Variants in GUCY2F observed in about 807,000 individuals in gnomAD.
The protein encoded by GUCY2F is retinal guanylyl cyclase 2.
GUCY2F carries 61 observed loss-of-function variants against 73.1 expected under a neutral mutation model. The ratio of observed to expected loss-of-function variants is 0.83; its 90% CI spans 0.68 to 1.03. The LOEUF is 1.03. GUCY2F is among the 50% of genes least tolerant of loss of function. The probability of loss-of-function intolerance (pLI) is 0.00; values close to 1 mark genes in which losing one functional copy is unlikely to be tolerated. For missense variants in GUCY2F, 912 were observed against 854.3 expected, an observed-to-expected ratio of 1.07 and a Z score of -0.84; for synonymous variants, 331 against 307.8, an observed-to-expected ratio of 1.08 and a Z score of -0.79.
chrX:109,413,570 A>G (rs777203302), intron 8 of GUCY2F, among the ~76,000 whole-genome samples: 1 of 110,630 alleles, frequency 9.0e-6, no homozygotes. Flanking sequence ...ACACTCAGCT[A>G]ATTTTTCATA....
rs1932195843 is a variant in GUCY2F at position 109,453,858 on chromosome X, A to G, written c.1034T>C (p.Val345Ala). The G allele has an allele frequency of 1.8e-6, 2 of 1,101,146 alleles. No individual in the cohort carries two copies. The highest frequency in any genetic ancestry group is 5.0e-5 in the Admixed American group (2 of 39,847). The allele number at this position is 1,101,146 out of a possible 1,213,427, so 90.7% of individuals were successfully genotyped here. The change falls in exon 4 of 20, where the codon GTT (valine) becomes GCT (alanine). Residue 345 changes from valine to alanine, a missense_variant and splice_region_variant. Transcript: ENST00000218006. ...GTAGATGGTTCCAAACAACGGTGAA[A>G]CCTATTTTTAAAAATTACAATTATC... ...EIPEKLEFDQ[V>A]SPLFGTIYNS...
chrX:109,446,221 T>C (rs1932003660), intron 6 of GUCY2F, among the ~76,000 whole-genome samples: 1 of 112,019 alleles, frequency 8.9e-6, no homozygotes, highest in African/African-American at 3.3e-5. Context: ...ATAGATTCAG[T>C]GCCATCCCCA....
intron 16 of GUCY2F, among the ~76,000 whole-genome samples, chrX:109,384,962 GAGAA>G (rs1366232327): frequency 2.7e-5 from 3 of 111,606 alleles, no homozygotes; most frequent in Admixed American, 9.5e-5. Context: ...TTCATTTCTA[GAGAA>G]AGAAAGGTAC....
intron 5 of GUCY2F, among the ~76,000 whole-genome samples, chrX:109,448,603 T>C (rs934381565): frequency 8.9e-6 from 1 of 111,960 alleles, no homozygotes; most frequent in African/African-American, 3.2e-5. Flanking sequence ...CAAAAACACA[T>C]TAGAGAAACA....
intron 8 of GUCY2F, among the ~76,000 whole-genome samples, chrX:109,411,255 CA>C (rs60845603): frequency 0.11 from 4,980 of 43,358 alleles, 268 homozygotes; most frequent in African/African-American, 0.26. Flanking sequence ...ACTCCATTTT[CA>C]AAAAAAAAAA....
Position 109,453,568 on chromosome X carries a change from C to T in GUCY2F, c.1324G>A (p.Gly442Ser), listed in dbSNP as rs1488715375. 3.3e-6 allele frequency: 4 copies of T among 1,208,530 alleles called. No individual in the cohort carries two copies. The highest frequency in any genetic ancestry group is 1.8e-5 in the South Asian group (1 of 56,724). ...RFGGTPIHFP[G>S]GRPPRADAKC... is the part of the protein sequence containing the mutation. The stretch of plus-strand genomic sequence containing the variant: ...GCATCTGCTCTAGGGGGCCTGCCAC[C>T]AGGGAAGTGAATAGGGGTCCCTCCG... The change falls in exon 4 of 20, where the codon GGT becomes AGT. Residue 442 changes from glycine to serine, a missense_variant. By Grantham distance (56) the Gly-to-Ser change is moderately conservative. Coordinates refer to ENST00000218006, the MANE Select transcript of GUCY2F (RefSeq NM_001522.3).
intron 19 of GUCY2F, among the ~76,000 whole-genome samples, chrX:109,373,997 T>C (rs1438917556): frequency 8.9e-6 from 1 of 112,311 alleles, no homozygotes; most frequent in East Asian, 2.8e-4. Context: ...CAGGGCTCTC[T>C]TAAAGGTTTC....
intron 8 of GUCY2F, 108 bp from the exon 9 acceptor site, chrX:109,409,276 G>T (rs1931049738): frequency 2.2e-6 from 1 of 455,089 alleles, no homozygotes; most frequent in East Asian, 3.6e-5. Context: ...TGGTTGTGTG[G>T]TTGACAGAAT....
At position 109,398,691 on chromosome X, in the gene GUCY2F, C is replaced by G. The variant is rs755565059; in HGVS notation, c.2133G>C (p.Leu711=). The G allele has an allele frequency of 1.7e-6, 2 of 1,208,248 alleles. No homozygotes were observed. Among genetic ancestry groups the G allele is most frequent in the Admixed American group, 2.2e-5 (1 of 45,783 alleles). The part of the protein sequence containing the change: ...SEEESSMEEL[L]WTAPELLRAP... ...CTCTCAACAGTTCAGGGGCCGTCCA[C>G]AGCAGCTCTAAAAAGAAAGCATTGT... The change falls in exon 11 of 20, where the codon CTG becomes CTC. Residue 711 remains leucine (L), a synonymous_variant. Coordinates refer to ENST00000218006, the MANE Select transcript of GUCY2F (RefSeq NM_001522.3).
At chrX:109,399,869 TG>T (rs1363936730) in intron 10 of GUCY2F, among the ~76,000 whole-genome samples, 1 of 103,933 alleles carries the variant, frequency 9.6e-6, no homozygotes, top group African/African-American at 3.6e-5. Context: ...AAATTGCGGG[TG>T]GGGGGATGCC....
chrX:109,447,428 T>C (rs187193185), intron 6 of GUCY2F, among the ~76,000 whole-genome samples: 1,384 of 110,574 alleles, frequency 0.013, 20 homozygotes, highest in East Asian at 0.054. Context: ...ATATACACCA[T>C]GGAATACTAT....
At chrX:109,430,964 T>G (rs1931597202) in intron 7 of GUCY2F, among the ~76,000 whole-genome samples, 1 of 111,712 alleles carries the variant, frequency 9.0e-6, no homozygotes. Context: ...TTAAATATTT[T>G]TTATTTGAGT....
chrX:109,446,850 G>A (rs1276635826), intron 6 of GUCY2F, among the ~76,000 whole-genome samples: 1 of 111,590 alleles, frequency 9.0e-6, no homozygotes. Context: ...CCTACAGAAT[G>A]GGAGAAAATT....
chrX:109,402,482 C>G (rs919196496), intron 10 of GUCY2F, among the ~76,000 whole-genome samples: 1 of 109,112 alleles, frequency 9.2e-6, no homozygotes, highest in African/African-American at 3.4e-5. Flanking sequence ...AAGCGATTCT[C>G]CTGCCTTAGC....
At chrX:109,446,546 T>C (rs1180754071) in intron 6 of GUCY2F, among the ~76,000 whole-genome samples, 2 of 110,233 alleles carry the variant, frequency 1.8e-5, no homozygotes, top group Admixed American at 1.9e-4. Flanking sequence ...ATTTCATAAA[T>C]GGTACTGGGA....
chrX:109,414,466 C>A (rs1413009421), intron 8 of GUCY2F, among the ~76,000 whole-genome samples: 1 of 112,309 alleles, frequency 8.9e-6, no homozygotes, highest in Non-Finnish European at 1.9e-5. Context: ...TGAAAGACTT[C>A]TGATCCTATA....
intron 8 of GUCY2F, among the ~76,000 whole-genome samples, chrX:109,427,223 T>G (rs1176012379): frequency 8.9e-6 from 1 of 112,060 alleles, no homozygotes; most frequent in Non-Finnish European, 1.9e-5. Flanking sequence ...GTAAACACTT[T>G]GTTTCACAGC....
At position 109,453,577 on chromosome X, in the gene GUCY2F, G is replaced by A. The variant is rs867112346; in HGVS notation, c.1315C>T (p.His439Tyr). 2.5e-6 allele frequency: 3 copies of A among 1,209,844 alleles called. No homozygotes were observed. The Admixed American group carries it at 6.5e-5, about 26-fold the overall frequency. The change falls in exon 4 of 20, where the codon CAC becomes TAC. Residue 439 changes from histidine to tyrosine, a missense_variant. Physicochemically the swap from His to Tyr is moderately conservative, Grantham distance 83 (BLOSUM62 2). Coordinates refer to ENST00000218006, the MANE Select transcript of GUCY2F (RefSeq NM_001522.3). ...ELLRFGGTPI[H>Y]FPGGRPPRAD... is the part of the protein sequence containing the mutation. ...CTAGGGGGCCTGCCACCAGGGAAGT[G>A]AATAGGGGTCCCTCCGAAACGTAGC...
At chrX:109,377,169 T>C (rs1237655547) in intron 17 of GUCY2F, among the ~76,000 whole-genome samples, 1 of 111,778 alleles carries the variant, frequency 8.9e-6, no homozygotes, top group Non-Finnish European at 1.9e-5. Flanking sequence ...GCACATTTAA[T>C]TGGAGAATCT....
Sources: gnomAD v4.1 joint callset for allele counts (sites outside exome capture counted in the v4.1 genomes callset) on GRCh38, gnomAD v4.1.1 for gene constraint, MANE v1.5 for transcripts, NCBI Gene and HGNC (gene_info 2026-07-23, HGNC 2026-07-21) for gene names.